Variants in SLC9A2 observed in about 807,000 individuals in gnomAD.
SLC9A2 encodes the protein sodium/hydrogen exchanger 2.
Under a neutral mutation model 71.7 loss-of-function variants are expected in SLC9A2, and 42 were observed. The ratio of observed to expected loss-of-function variants is 0.59; its 90% confidence interval spans 0.46 to 0.76. SLC9A2 has a LOEUF of 0.76. Among genes scored for constraint, SLC9A2 ranks in the 30% least tolerant of loss-of-function variants. The pLI is 0.00. For synonymous variants in SLC9A2, 396 were observed against 392.5 expected (o/e 1.01, Z -0.10); for missense variants, 829 against 1,017.4 (o/e 0.81, Z 2.52).
chr2:102,630,855 A>G (rs1415626758), intron 1 of SLC9A2, among the ~76,000 whole-genome samples: 1 of 151,820 alleles, frequency 6.6e-6, no homozygotes, highest in East Asian at 1.9e-4. Context: ...TTTAAACTAT[A>G]TTCATTTTAT....
At chr2:102,627,986 A>C (rs1264675372) in intron 1 of SLC9A2, among the ~76,000 whole-genome samples, 1 of 152,134 alleles carries the variant, frequency 6.6e-6, no homozygotes, top group African/African-American at 2.4e-5. Flanking sequence ...AAAATGAACA[A>C]AATTACTTCA....
chr2:102,684,797 G>A (rs986063901), intron 5 of SLC9A2, among the ~76,000 whole-genome samples: 10 of 152,150 alleles, frequency 6.6e-5, no homozygotes, highest in African/African-American at 2.2e-4. Flanking sequence ...TCCCTACTTT[G>A]CAAGTTAATC....
intron 1 of SLC9A2, among the ~76,000 whole-genome samples, chr2:102,626,432 T>C (rs1676251048): frequency 6.6e-6 from 1 of 152,166 alleles, no homozygotes; most frequent in Admixed American, 6.5e-5. Flanking sequence ...CAAGATGGAT[T>C]AAAGACTTAA....
intron 1 of SLC9A2, among the ~76,000 whole-genome samples, chr2:102,631,658 A>G (rs559307646): frequency 6.6e-6 from 1 of 152,176 alleles, no homozygotes; most frequent in African/African-American, 2.4e-5. Context: ...TTTTAAGGAC[A>G]TACTTTCTAT....
At chr2:102,665,847 CA>C (rs1271499331) in intron 3 of SLC9A2, among the ~76,000 whole-genome samples, 1 of 141,764 alleles carries the variant, frequency 7.1e-6, no homozygotes. Flanking sequence ...TATGTATCAG[CA>C]AAACTTATGC....
At chr2:102,683,859 A>G (rs766096995) in intron 4 of SLC9A2, among the ~76,000 whole-genome samples, 4 of 151,314 alleles carry the variant, frequency 2.6e-5, no homozygotes, top group Non-Finnish European at 5.9e-5. Context: ...CCTTCCTGAT[A>G]TATTCTTTTC....
chr2:102,681,902 T>TTAGAGGTTTTAGAGGTTTTAG (rs1260348019), intron 3 of SLC9A2, among the ~76,000 whole-genome samples: 1 of 152,206 alleles, frequency 6.6e-6, no homozygotes, highest in Non-Finnish European at 1.5e-5. Context: ...GTGACCTGTT[T>TTAGAGGTTTTAGAGGTTTTAG]AGGTTTTAGA....
chr2:102,646,809 C>G (rs189345440), intron 1 of SLC9A2, among the ~76,000 whole-genome samples: 1 of 138,906 alleles, frequency 7.2e-6, no homozygotes, highest in East Asian at 2.1e-4. Context: ...CAGGAGCACC[C>G]AGATTCATAA....
intron 2 of SLC9A2, among the ~76,000 whole-genome samples, chr2:102,662,589 C>T (rs1046424659): frequency 1.3e-5 from 2 of 152,118 alleles, no homozygotes; most frequent in Non-Finnish European, 2.9e-5. Flanking sequence ...CTGGGGGCAA[C>T]AGCAGCTTCA....
At chr2:102,651,806 T>C (rs2104515537) in intron 1 of SLC9A2, among the ~76,000 whole-genome samples, 1 of 152,330 alleles carries the variant, frequency 6.6e-6, no homozygotes, top group African/African-American at 2.4e-5. Context: ...CAAAAATGAT[T>C]GAATGAGGTT....
chr2:102,636,434 G>C (rs939762049), intron 1 of SLC9A2, among the ~76,000 whole-genome samples: 1 of 152,222 alleles, frequency 6.6e-6, no homozygotes, highest in Non-Finnish European at 1.5e-5. Context: ...ACTGGCAATT[G>C]TGGGTTCCTT....
At chr2:102,696,633 A>G (rs915865926) in intron 7 of SLC9A2, among the ~76,000 whole-genome samples, 1 of 152,184 alleles carries the variant, frequency 6.6e-6, no homozygotes, top group African/African-American at 2.4e-5. Context: ...GAGAGAGACC[A>G]TTAGGGAATA....
At chr2:102,679,444 C>T (rs183229170) in intron 3 of SLC9A2, among the ~76,000 whole-genome samples, 4,073 of 151,114 alleles carry the variant, frequency 0.027, 336 homozygotes, top group Admixed American at 0.16. Context: ...TGCAGTGGCG[C>T]GATCTCAGCT....
At position 102,709,768 on chromosome 2, in the gene SLC9A2, T is replaced by C. The variant is rs186316096; in HGVS notation, c.*1279T>C. ...AGCATTCAAGATTAATATTTGATTC[T>C]CTATCTCTTAACTGTAGATTTTATT... On this transcript the variant is annotated 3_prime_UTR_variant, in exon 12 of 12. Coordinates refer to ENST00000233969, the MANE Select transcript of SLC9A2 (RefSeq NM_003048.6). 4 of 152,738 alleles carry C rather than the reference T, an allele frequency of 2.6e-5. No individual in the cohort carries two copies. The highest frequency in any genetic ancestry group is 9.6e-5 in the African/African-American group (4 of 41,532). The allele number at this position is 152,738 out of a possible 1,614,324, so 9.5% of individuals were successfully genotyped here.
intron 1 of SLC9A2, among the ~76,000 whole-genome samples, chr2:102,637,621 T>A (rs1225827478): frequency 6.6e-6 from 1 of 152,178 alleles, no homozygotes; most frequent in African/African-American, 2.4e-5. Flanking sequence ...CAGAGCCACC[T>A]ACCTGCAGAA....
At chr2:102,622,243 C>A (rs929731146) in intron 1 of SLC9A2, among the ~76,000 whole-genome samples, 1 of 152,080 alleles carries the variant, frequency 6.6e-6, no homozygotes, top group African/African-American at 2.4e-5. Context: ...ATTAATACTC[C>A]CACTAGTTGA....
At chr2:102,635,740 T>C (rs1322452190) in intron 1 of SLC9A2, among the ~76,000 whole-genome samples, 1 of 152,242 alleles carries the variant, frequency 6.6e-6, no homozygotes, top group Non-Finnish European at 1.5e-5. Context: ...TTATTTTGTT[T>C]TGTTTTGTGT....
intron 1 of SLC9A2, among the ~76,000 whole-genome samples, chr2:102,637,172 A>G (rs923647736): frequency 2.6e-5 from 4 of 152,104 alleles, no homozygotes; most frequent in African/African-American, 9.7e-5. Flanking sequence ...TGACTGCTTC[A>G]CCTGCCGTTC....
intron 1 of SLC9A2, among the ~76,000 whole-genome samples, chr2:102,620,893 G>C (rs533235638): frequency 6.6e-6 from 1 of 151,956 alleles, no homozygotes; most frequent in Non-Finnish European, 1.5e-5. Flanking sequence ...AAAATTGGCC[G>C]GGCGAGGTGA....
Sources: gnomAD v4.1 joint callset for allele counts (sites outside exome capture counted in the v4.1 genomes callset) on GRCh38, gnomAD v4.1.1 for gene constraint, MANE v1.5 for transcripts, NCBI Gene and HGNC (gene_info 2026-07-23, HGNC 2026-07-21) for gene names.